Variants in RUNX1 observed in about 807,000 individuals in gnomAD.
The protein encoded by RUNX1 is runt-related transcription factor 1.
A neutral mutation model predicts 42.8 loss-of-function variants in RUNX1; 19 were observed. The observed-to-expected ratio is 0.44, with a 90% CI of 0.31 to 0.65. The LOEUF (loss-of-function observed/expected upper bound fraction) is 0.65. Among genes scored for constraint, RUNX1 ranks in the 30% least tolerant of loss-of-function variants. The pLI is 0.07. For synonymous variants in RUNX1, 271 were observed against 289.4 expected (o/e 0.94, Z 0.64); for missense variants, 528 against 672.0 (o/e 0.79, Z 2.37).
intron 2 of RUNX1, among the ~76,000 whole-genome samples, chr21:34,993,899 A>G (rs1386061267): frequency 6.6e-6 from 1 of 152,204 alleles, no homozygotes; most frequent in Non-Finnish European, 1.5e-5. Flanking sequence ...GCATAAATGC[A>G]ATGTTCTAAT....
intron 4 of RUNX1, among the ~76,000 whole-genome samples, chr21:34,883,325 GT>G (rs544254192): frequency 1.5e-4 from 22 of 151,030 alleles, no homozygotes; most frequent in East Asian, 1.9e-4. Context: ...ATCTCTGAGG[GT>G]TTTTTTTTGG....
intron 7 of RUNX1, among the ~76,000 whole-genome samples, chr21:34,820,007 A>G (rs574527325): frequency 7.3e-4 from 111 of 152,384 alleles, no homozygotes; most frequent in African/African-American, 2.4e-3. Flanking sequence ...TAGCTGCTTC[A>G]TTAAAAACAC....
intron 2 of RUNX1, among the ~76,000 whole-genome samples, chr21:34,897,649 C>G (rs546158295): frequency 1.3e-5 from 2 of 152,304 alleles, no homozygotes; most frequent in South Asian, 4.1e-4. Context: ...CTTCAGGTTT[C>G]CATGTGGAAC....
At chr21:34,798,021 C>T (rs2056554849) in intron 8 of RUNX1, 1 of 456,506 alleles carries the variant, frequency 2.2e-6, no homozygotes, top group Non-Finnish European at 4.4e-6. Context: ...TTGTGAAGCT[C>T]TTAGAAGGCA....
Position 34,895,469 on chromosome 21 carries a change from C to T in RUNX1, c.59-2506G>A, listed in dbSNP as rs188334465. Among the ~76,000 whole-genome samples, 364 of 152,268 alleles carry T rather than the reference C, an allele frequency of 2.4e-3. 1 individual carries two copies. The highest frequency in any genetic ancestry group is 4.6e-3 in the Non-Finnish European group (310 of 68,020). On this transcript the variant is annotated intron_variant, in intron 2 of 8. Coordinates refer to ENST00000675419, the MANE Select transcript of RUNX1 (RefSeq NM_001754.5). Reference sequence around the variant, plus strand: ...GAGGGAATATAAGAGGAAGAGGGGCCAACAGCCCCTGGTGGGCTCAGGAAA... The same window carrying T: ...GAGGGAATATAAGAGGAAGAGGGGCTAACAGCCCCTGGTGGGCTCAGGAAA...
intron 6 of RUNX1, chr21:34,859,198 T>C: frequency 2.0e-6 from 1 of 492,700 alleles, no homozygotes; most frequent in Non-Finnish European, 3.7e-6. Flanking sequence ...GAAGCAGTCC[T>C]TAGTTTCATG....
chr21:34,941,821 A>AT (rs1053713546), intron 2 of RUNX1, among the ~76,000 whole-genome samples: 2 of 141,036 alleles, frequency 1.4e-5, no homozygotes, highest in African/African-American at 5.3e-5. Flanking sequence ...TTTTTCTTTT[A>AT]TTTTTTTCCT....
At chr21:34,961,666 G>C (rs948644735) in intron 2 of RUNX1, among the ~76,000 whole-genome samples, 2 of 152,128 alleles carry the variant, frequency 1.3e-5, no homozygotes, top group Non-Finnish European at 2.9e-5. Flanking sequence ...ACACCTGGCC[G>C]TAAGTCAGGC....
At position 34,843,142 on chromosome 21, in the gene RUNX1, A is replaced by T. The variant is rs553992923; in HGVS notation, c.614-8541T>A. 6.6e-6 allele frequency among the ~76,000 whole-genome samples: 1 copy of T among 152,306 alleles called. No homozygotes were observed. Among genetic ancestry groups the T allele is most frequent in the South Asian group, 2.1e-4 (1 of 4,828 alleles). ...TAAACACACATACAGACACACATGG[A>T]CATATACACACAAACACAGGCATGC... On this transcript the variant is annotated intron_variant, in intron 6 of 8. Coordinates refer to ENST00000675419, the MANE Select transcript of RUNX1 (RefSeq NM_001754.5). The surrounding 1 kb of genome is among the most constrained non-coding windows in gnomAD (Gnocchi z 4.8).
chr21:34,976,432 G>C (rs2058802620), intron 2 of RUNX1, among the ~76,000 whole-genome samples: 1 of 152,166 alleles, frequency 6.6e-6, no homozygotes, highest in South Asian at 2.1e-4. Context: ...CAGTAGGATT[G>C]AGCTTTGGAG....
chr21:35,016,312 T>C (rs2059158723), intron 2 of RUNX1, among the ~76,000 whole-genome samples: 1 of 152,202 alleles, frequency 6.6e-6, no homozygotes, highest in Admixed American at 6.5e-5. Context: ...TTGCAGGACA[T>C]ACACAGCTTC....
intron 2 of RUNX1, among the ~76,000 whole-genome samples, chr21:34,934,548 G>C (rs916121313): frequency 3.5e-4 from 54 of 152,158 alleles, no homozygotes; most frequent in Admixed American, 3.0e-3. Flanking sequence ...GCAGGTGATG[G>C]AAGCTTGGCC....
At chr21:34,875,791 C>T (rs2057805503) in intron 5 of RUNX1, among the ~76,000 whole-genome samples, 1 of 152,170 alleles carries the variant, frequency 6.6e-6, no homozygotes, top group African/African-American at 2.4e-5. Context: ...GTTTATCCTT[C>T]CCTAAATGTA....
At chr21:34,905,339 G>A (rs950815153) in intron 2 of RUNX1, among the ~76,000 whole-genome samples, 1 of 152,148 alleles carries the variant, frequency 6.6e-6, no homozygotes. Context: ...CTACCTAAAT[G>A]ATTTCCCCAT....
chr21:35,002,426 ATTAT>A (rs1169539078), intron 2 of RUNX1, among the ~76,000 whole-genome samples: 43 of 129,262 alleles, frequency 3.3e-4, no homozygotes, highest in Middle Eastern at 3.9e-3. Flanking sequence ...TTATTTATTT[ATTAT>A]TTATTTATTT....
At chr21:34,965,170 A>C (rs1317478356) in intron 2 of RUNX1, among the ~76,000 whole-genome samples, 1 of 148,308 alleles carries the variant, frequency 6.7e-6, no homozygotes, top group Admixed American at 6.8e-5. Context: ...ACACTCTCAC[A>C]TATGCACACA....
At chr21:34,878,491 T>TG (rs2146347557) in intron 5 of RUNX1, among the ~76,000 whole-genome samples, 1 of 152,214 alleles carries the variant, frequency 6.6e-6, no homozygotes, top group East Asian at 1.9e-4. Context: ...TTATTATCAC[T>TG]GGTGGGAAGG....
chr21:34,912,636 C>T (rs1601562716), intron 2 of RUNX1, among the ~76,000 whole-genome samples: 1 of 152,274 alleles, frequency 6.6e-6, no homozygotes, highest in Admixed American at 6.5e-5. Context: ...CAGCCTGGGT[C>T]CCTCTTTTTA....
intron 2 of RUNX1, among the ~76,000 whole-genome samples, chr21:35,045,099 A>G (rs74318453): frequency 0.03 from 4,556 of 152,310 alleles, 208 homozygotes; most frequent in African/African-American, 0.1. Context: ...TTTAACACTT[A>G]AACATTTCAA....
Sources: gnomAD v4.1 joint callset for allele counts (sites outside exome capture counted in the v4.1 genomes callset) on GRCh38, gnomAD v4.1.1 for gene constraint, Gnocchi (gnomAD v3.1) non-coding constraint, MANE v1.5 for transcripts, NCBI Gene and HGNC (gene_info 2026-07-23, HGNC 2026-07-21) for gene names.